Variants in PFKM observed in about 807,000 individuals in gnomAD.
The protein encoded by PFKM is phosphofructokinase, muscle, also known as ATP-dependent 6-phosphofructokinase, muscle type.
A neutral mutation model predicts 95.5 loss-of-function variants in PFKM; 58 were observed. The observed-to-expected ratio is 0.61, with a 90% CI of 0.49 to 0.76. The LOEUF is 0.76. Ranked by LOEUF, PFKM falls within the 30% of genes least tolerant of loss-of-function variation. The pLI, the probability that PFKM is intolerant of heterozygous loss-of-function variation, is 0.00. For missense variants in PFKM, 678 were observed against 1,005.4 expected (o/e 0.67, Z 4.40); for synonymous variants, 336 against 357.2 (o/e 0.94, Z 0.67).
At chr12:48,139,391 G>T in intron 12 of PFKM, 42 bp downstream of exon 12, 1 of 1,519,324 alleles carries the variant, frequency 6.6e-7, no homozygotes, top group South Asian at 1.1e-5. Context: ...AGAAATCAGA[G>T]GCGTGAACGA....
In PFKM at chr12:48,141,845, T is replaced by A; in HGVS notation, c.1500+18T>A. 6.2e-7 allele frequency: 1 copy of A among 1,613,062 alleles called. No homozygotes were observed. The highest frequency in any genetic ancestry group is 8.5e-7 in the Non-Finnish European group (1 of 1,179,070). On this transcript the variant is annotated intron_variant, in intron 16 of 22. Transcript: ENST00000359794. The stretch of plus-strand genomic sequence containing the variant: ...GCTTTGAGGTGAGTGCCTGCCACCA[T>A]TTCTTCCTCTCTCCCTCCTACCTCC...
chr12:48,113,056 TA>T (rs1947348834), intron 3 of PFKM, among the ~76,000 whole-genome samples: 1 of 152,146 alleles, frequency 6.6e-6, no homozygotes, highest in Non-Finnish European at 1.5e-5. Context: ...GGTGTGGCTG[TA>T]GCCCAGGAAC....
chr12:48,122,715 G>A, intron 1 of PFKM, 52 bp from the exon 2 acceptor site: 1 of 1,612,518 alleles, frequency 6.2e-7, no homozygotes, highest in Non-Finnish European at 8.5e-7. Context: ...CCTTTAGCTA[G>A]TGGCATCTTG....
At chr12:48,141,452 G>C (rs1045863415) in intron 15 of PFKM, 71 bp downstream of exon 15, 1 of 1,318,206 alleles carries the variant, frequency 7.6e-7, no homozygotes, top group African/African-American at 1.4e-5. Flanking sequence ...GGTTCATTAT[G>C]CCATGGTCTG....
At chr12:48,110,838 T>C (rs1320033696) in intron 3 of PFKM, among the ~76,000 whole-genome samples, 2 of 152,192 alleles carry the variant, frequency 1.3e-5, no homozygotes, top group East Asian at 3.8e-4. Flanking sequence ...GCTGTGTGTG[T>C]GTGTGGCCCA....
chr12:48,133,959 T>C (rs1418665554), intron 6 of PFKM, among the ~76,000 whole-genome samples: 1 of 152,146 alleles, frequency 6.6e-6, no homozygotes, highest in Admixed American at 6.5e-5. Context: ...CCTTCACTTC[T>C]TATCCTTTCC....
chr12:48,132,107 T>G (rs1490618067), intron 4 of PFKM: 4 of 455,530 alleles, frequency 8.8e-6, no homozygotes, highest in Non-Finnish European at 1.8e-5. Context: ...GTGCCTGCCA[T>G]AAAGTGGTCT....
chr12:48,127,674 C>T (rs1442539783), intron 2 of PFKM, among the ~76,000 whole-genome samples: 2 of 152,206 alleles, frequency 1.3e-5, no homozygotes, highest in African/African-American at 4.8e-5. Context: ...AGAAATCCCT[C>T]TCTCAAGCTG....
intron 1 of PFKM, among the ~76,000 whole-genome samples, chr12:48,120,640 C>T (rs574645047): frequency 6.6e-6 from 1 of 152,202 alleles, no homozygotes; most frequent in Non-Finnish European, 1.5e-5. Flanking sequence ...CATGATAATA[C>T]GTGAATGAAC....
chr12:48,143,840 A>G, intron 19 of PFKM, 26 bp downstream of exon 19: 2 of 1,576,480 alleles, frequency 1.3e-6, no homozygotes, highest in Non-Finnish European at 1.7e-6. Context: ...TTTGTTCCTA[A>G]ATGAAGAAGA....
intron 2 of PFKM, among the ~76,000 whole-genome samples, chr12:48,124,093 G>C (rs553569180): frequency 6.6e-6 from 1 of 152,136 alleles, no homozygotes; most frequent in African/African-American, 2.4e-5. Flanking sequence ...AAAGTCTGAC[G>C]CAATCTTTGT....
At chr12:48,135,649 A>G (rs1395680504) in intron 10 of PFKM, among the ~76,000 whole-genome samples, 5 of 152,192 alleles carry the variant, frequency 3.3e-5, no homozygotes, top group Admixed American at 6.5e-5. Context: ...TTTAATACGA[A>G]TTTTGAGATA....
intron 10 of PFKM, among the ~76,000 whole-genome samples, chr12:48,136,544 A>G (rs1027583867): frequency 1.3e-5 from 2 of 152,072 alleles, no homozygotes; most frequent in Admixed American, 6.5e-5. Context: ...CAGGAGTTCA[A>G]TTGGGTTGTA....
rs1208024516 is a variant in PFKM, at chr12:48,125,488, G to T, written c.85+2629G>T. 1.2e-5 allele frequency: 4 copies of T among 338,026 alleles called. No individual in the cohort carries two copies. The East Asian group carries it at 3.9e-4, about 33-fold the overall frequency. The allele number at this position is 338,026 out of a possible 1,614,324, so 20.9% of individuals were successfully genotyped here. On this transcript the variant is annotated intron_variant, in intron 2 of 22. Coordinates refer to ENST00000359794, the MANE Select transcript of PFKM (RefSeq NM_000289.6). ...AATACAAAATTAGCTGGGCGTGGTG[G>T]TGCATGCCTGTAATCCCAGCCACTT...
chr12:48,140,580 G>A (rs1950496924), intron 13 of PFKM, 142 bp from the exon 14 acceptor site: 1 of 841,652 alleles, frequency 1.2e-6, no homozygotes, highest in African/African-American at 1.7e-5. Flanking sequence ...CCTTGGGAGA[G>A]GGGTGTGTGT....
chr12:48,119,004 AG>A (rs150348762), upstream of PFKM, among the ~76,000 whole-genome samples: 1,273 of 152,292 alleles, frequency 8.4e-3, 15 homozygotes, highest in African/African-American at 0.028. Context: ...CAGTTGCTGA[AG>A]ATGTTGGAAT....
chr12:48,124,894 T>G (rs1261339795), intron 2 of PFKM, among the ~76,000 whole-genome samples: 1 of 152,080 alleles, frequency 6.6e-6, no homozygotes, highest in East Asian at 1.9e-4. Context: ...CAGAGCTGAG[T>G]TTGATGGACT....
chr12:48,118,889 A>T (rs74677381), upstream of PFKM, among the ~76,000 whole-genome samples: 1 of 151,958 alleles, frequency 6.6e-6, no homozygotes, highest in South Asian at 2.1e-4. Context: ...GACTATATTT[A>T]TTTTTTTTAA....
intron 17 of PFKM, 118 bp from the exon 18 acceptor site, chr12:48,142,664 G>A (rs1178985029): frequency 2.0e-6 from 2 of 986,268 alleles, no homozygotes; most frequent in East Asian, 2.4e-5. Flanking sequence ...GAGCTCTAAG[G>A]GCCCTGCTAG....
Sources: allele counts gnomAD v4.1 joint callset (sites outside exome capture counted in the v4.1 genomes callset), GRCh38; gene constraint gnomAD v4.1.1; transcripts MANE v1.5; gene names NCBI Gene and HGNC (gene_info 2026-07-23, HGNC 2026-07-21).